Variants in ADK observed in about 807,000 individuals in gnomAD.
ADK encodes adenosine kinase, also known as N6,N6-dimethyladenosine kinase.
Under a neutral mutation model 44.7 loss-of-function variants are expected in ADK, and 24 were observed. The observed-to-expected ratio is 0.54, with a 90% CI of 0.39 to 0.76. The LOEUF (loss-of-function observed/expected upper bound fraction) is 0.76, where lower values mean the gene tolerates loss of function less well. Among genes scored for constraint, ADK ranks in the 30% least tolerant of loss-of-function variants. The probability of loss-of-function intolerance (pLI) is 0.00; values close to 1 mark genes in which losing one functional copy is unlikely to be tolerated. For synonymous variants in ADK, 128 were observed against 142.6 expected (o/e 0.90, Z 0.73); for missense variants, 321 against 425.1 (o/e 0.76, Z 2.15).
At chr10:74,191,257 G>A (rs929840625) in intron 1 of ADK, among the ~76,000 whole-genome samples, 1 of 152,000 alleles carries the variant, frequency 6.6e-6, no homozygotes, top group East Asian at 1.9e-4. Context: ...GGGATTACAG[G>A]TGTGAGCCAC....
chr10:74,554,102 A>C (rs548183686), intron 7 of ADK, among the ~76,000 whole-genome samples: 1 of 152,308 alleles, frequency 6.6e-6, no homozygotes, highest in South Asian at 2.1e-4. Flanking sequence ...TTCCCATGGT[A>C]GCTTCTTATA....
chr10:74,450,800 A>C lies in ADK; in HGVS notation c.555+52221A>C, dbSNP rs116263767. 9.5e-3 allele frequency among the ~76,000 whole-genome samples: 1,449 copies of C among 152,310 alleles called. 24 individuals are homozygous for C. The highest frequency in any genetic ancestry group is 0.033 in the African/African-American group (1,380 of 41,582). On this transcript the variant is annotated intron_variant, in intron 6 of 10. Coordinates refer to ENST00000539909, the MANE Select transcript of ADK (RefSeq NM_006721.4). ...TATGAAAGAAAGCAGCTGTAGTTTT[A>C]TCCTACTGAGTACAAATATTTGTTG...
intron 6 of ADK, among the ~76,000 whole-genome samples, chr10:74,507,670 G>A (rs1429492934): frequency 6.6e-6 from 1 of 152,090 alleles, no homozygotes; most frequent in African/African-American, 2.4e-5. Flanking sequence ...ATTTTGTGTA[G>A]CATCTTAACA....
In ADK at chr10:74,394,281, A is replaced by G; in HGVS notation, c.414A>G (p.Gly138=). 6.2e-7 allele frequency: 1 copy of G among 1,614,070 alleles called. No homozygotes were observed. The highest frequency in any genetic ancestry group is 1.1e-5 in the South Asian group (1 of 91,086). ...ACGAGCAGAATGAGCAGCCAACAGG[A>G]ACTTGTGCTGCATGCATCACTGGTG... ...HYYEQNEQPT[G]TCAACITGDN... The change falls in exon 5 of 11, where the codon GGA becomes GGG. Residue 138 remains glycine (G), a synonymous_variant. Coordinates refer to ENST00000539909, the MANE Select transcript of ADK (RefSeq NM_006721.4).
At chr10:74,645,082 AT>A (rs1302109310) in intron 9 of ADK, among the ~76,000 whole-genome samples, 1 of 152,124 alleles carries the variant, frequency 6.6e-6, no homozygotes, top group Non-Finnish European at 1.5e-5. Context: ...CTTGTCTAGA[AT>A]TTTTGTTTCA....
chr10:74,295,259 C>T (rs996781766), intron 3 of ADK, among the ~76,000 whole-genome samples: 7 of 151,706 alleles, frequency 4.6e-5, no homozygotes, highest in East Asian at 3.9e-4. Context: ...GTCAGGAGTT[C>T]GAGACCAGCC....
At chr10:74,542,350 G>A (rs1484851975) in intron 7 of ADK, among the ~76,000 whole-genome samples, 2 of 152,310 alleles carry the variant, frequency 1.3e-5, no homozygotes, top group South Asian at 4.1e-4. Flanking sequence ...AAGTCACTAA[G>A]TTTTGGAGCA....
At chr10:74,194,757 A>G (rs926637223) in intron 1 of ADK, among the ~76,000 whole-genome samples, 1 of 152,138 alleles carries the variant, frequency 6.6e-6, no homozygotes, top group Non-Finnish European at 1.5e-5. Context: ...TACTAGTAAG[A>G]TGGGGCTAGT....
At chr10:74,304,853 G>A (rs1592018934) in intron 3 of ADK, among the ~76,000 whole-genome samples, 1 of 151,826 alleles carries the variant, frequency 6.6e-6, no homozygotes, top group African/African-American at 2.4e-5. Context: ...CTTAAATATC[G>A]TGGAACACAA....
At chr10:74,278,464 A>C (rs1473438574) in intron 3 of ADK, among the ~76,000 whole-genome samples, 1 of 150,846 alleles carries the variant, frequency 6.6e-6, no homozygotes, top group Non-Finnish European at 1.5e-5. Context: ...ATATTTTGAG[A>C]CTATTTTATT....
intron 2 of ADK, among the ~76,000 whole-genome samples, chr10:74,202,570 C>T (rs1337933111): frequency 6.6e-6 from 1 of 152,222 alleles, no homozygotes; most frequent in Non-Finnish European, 1.5e-5. Flanking sequence ...CACTGTTTTG[C>T]ATTCCTACCG....
At chr10:74,171,955 A>G (rs770450306) in intron 1 of ADK, among the ~76,000 whole-genome samples, 1 of 152,086 alleles carries the variant, frequency 6.6e-6, no homozygotes, top group Non-Finnish European at 1.5e-5. Flanking sequence ...ATATATCTTT[A>G]CTTTTGTCGC....
intron 1 of ADK, among the ~76,000 whole-genome samples, chr10:74,198,197 T>G (rs1843235102): frequency 1.3e-5 from 2 of 152,222 alleles, no homozygotes; most frequent in African/African-American, 4.8e-5. Flanking sequence ...GTAGTCCCAG[T>G]GAAATCATGG....
intron 9 of ADK, among the ~76,000 whole-genome samples, chr10:74,609,419 A>G (rs1852460761): frequency 6.6e-6 from 1 of 152,242 alleles, no homozygotes; most frequent in South Asian, 2.1e-4. Context: ...CCATGGGAAA[A>G]GTGTAGTTAT....
intron 4 of ADK, among the ~76,000 whole-genome samples, chr10:74,378,227 G>A (rs1344691000): frequency 6.6e-6 from 1 of 151,910 alleles, no homozygotes; most frequent in Non-Finnish European, 1.5e-5. Context: ...AGTGAGTTAT[G>A]AGCATGCCAA....
At chr10:74,362,557 C>T (rs1842369315) in intron 4 of ADK, among the ~76,000 whole-genome samples, 1 of 151,860 alleles carries the variant, frequency 6.6e-6, no homozygotes, top group African/African-American at 2.4e-5. Flanking sequence ...GTCTGTGGTA[C>T]CTTATTTTGT....
At chr10:74,353,739 G>T (rs1842044771) in intron 4 of ADK, among the ~76,000 whole-genome samples, 1 of 151,954 alleles carries the variant, frequency 6.6e-6, no homozygotes, top group South Asian at 2.1e-4. Flanking sequence ...GTGGTGGCGG[G>T]CATCTGTAGT....
chr10:74,591,160 T>C (rs1851702959), intron 8 of ADK, among the ~76,000 whole-genome samples: 1 of 152,148 alleles, frequency 6.6e-6, no homozygotes, highest in Non-Finnish European at 1.5e-5. Context: ...CTGGTTTACA[T>C]TCAGTCATAG....
At chr10:74,651,917 G>T (rs959292866) in intron 9 of ADK, among the ~76,000 whole-genome samples, 12 of 152,124 alleles carry the variant, frequency 7.9e-5, no homozygotes, top group Admixed American at 5.9e-4. Context: ...TATACTGTAT[G>T]ATTACATTTA....
Sources: allele counts gnomAD v4.1 joint callset (sites outside exome capture counted in the v4.1 genomes callset), GRCh38; gene constraint gnomAD v4.1.1; transcripts MANE v1.5; gene names NCBI Gene and HGNC (gene_info 2026-07-23, HGNC 2026-07-21).